The following CFAP61 variants were observed in gnomAD, a reference collection of about 807,000 sequenced individuals.
The protein encoded by CFAP61 is cilia- and flagella-associated protein 61.
Under a neutral mutation model 135.6 loss-of-function variants are expected in CFAP61, and 107 were observed. The observed-to-expected ratio is 0.79, with a 90% CI of 0.67 to 0.93. CFAP61 has a LOEUF of 0.93. Among genes scored for constraint, CFAP61 ranks in the 40% least tolerant of loss-of-function variants. CFAP61 has a pLI of 0.00. For synonymous variants in CFAP61, 575 were observed against 578.5 expected (o/e 0.99, Z 0.09); for missense variants, 1,507 against 1,556.2 (o/e 0.97, Z 0.53).
chr20:20,215,737 T>G (rs1030689658), intron 17 of CFAP61, among the ~76,000 whole-genome samples: 5 of 152,204 alleles, frequency 3.3e-5, no homozygotes, highest in African/African-American at 1.2e-4. Flanking sequence ...ACATTTCAAT[T>G]GTATTTTTTA....
intron 8 of CFAP61, among the ~76,000 whole-genome samples, chr20:20,137,420 G>A (rs1462515686): frequency 1.3e-5 from 2 of 152,126 alleles, no homozygotes; most frequent in African/African-American, 4.8e-5. Context: ...AATCTATCTG[G>A]TGCTCTGTTC....
At chr20:20,158,546 G>T (rs1171614883) in intron 9 of CFAP61, among the ~76,000 whole-genome samples, 2 of 152,174 alleles carry the variant, frequency 1.3e-5, no homozygotes, top group African/African-American at 4.8e-5. Context: ...TCCACACCAG[G>T]ATACTATTCA....
chr20:20,057,103 C>T lies in CFAP61; in HGVS notation c.143+307C>T, dbSNP rs543612098. ...CTGCACTCCAGCCTGGATGACAGAG[C>T]GGACCCCTGTCTCAATTAAAAAAAA... is the stretch of plus-strand genomic sequence containing the variant. On this transcript the variant is annotated intron_variant, in intron 2 of 26. Coordinates refer to ENST00000245957, the MANE Select transcript of CFAP61 (RefSeq NM_015585.4). Among the ~76,000 whole-genome samples, 15 of 137,008 alleles carry T rather than the reference C, an allele frequency of 1.1e-4. 1 individual carries two copies. The South Asian group carries it at 3.2e-3, about 30-fold the overall frequency. The allele number at this position is 137,008 out of a possible 152,430, so 89.9% of individuals were successfully genotyped here.
At chr20:20,228,590 G>A in intron 18 of CFAP61, 1 of 419,580 alleles carries the variant, frequency 2.4e-6, no homozygotes, top group Non-Finnish European at 4.3e-6. Flanking sequence ...AACTGCTTTT[G>A]TAAATAAAGC....
At chr20:20,228,488 ACACCCTGCC>A in intron 18 of CFAP61, 112 bp downstream of exon 18, 3 of 854,298 alleles carry the variant, frequency 3.5e-6, no homozygotes, top group Non-Finnish European at 5.5e-6. Flanking sequence ...GGTACTCCAC[ACACCCTGCC>A]TATGTGGATG....
intron 7 of CFAP61, among the ~76,000 whole-genome samples, chr20:20,093,842 G>A (rs2047381399): frequency 6.6e-6 from 1 of 151,812 alleles, no homozygotes; most frequent in Admixed American, 6.6e-5. Flanking sequence ...ATCTTTTGGG[G>A]GTGAGACACA....
intron 8 of CFAP61, among the ~76,000 whole-genome samples, chr20:20,134,735 G>C (rs2050790298): frequency 6.6e-6 from 1 of 152,200 alleles, no homozygotes; most frequent in South Asian, 2.1e-4. Context: ...AAACTGGGTA[G>C]ATGGTGGAAC....
chr20:20,235,011 C>G (rs566452937), intron 18 of CFAP61, among the ~76,000 whole-genome samples: 1 of 152,244 alleles, frequency 6.6e-6, no homozygotes, highest in African/African-American at 2.4e-5. Context: ...TCTAGATCCC[C>G]ATGGAAGCCT....
chr20:20,199,821 C>T lies in CFAP61; in HGVS notation c.1851C>T (p.Pro617=), dbSNP rs1328123065. The part of the protein sequence containing the change: ...SLTSALHYLV[P]VRPRRQIVYP... ...CATCTGCCCTTCATTACTTGGTTCC[C>T]GTGCGACCACGACGACAGATTGTCT... is the stretch of plus-strand genomic sequence containing the variant. Residue 617 remains proline (P), a synonymous_variant, in exon 17 of 27, where the codon CCC becomes CCT. Transcript: ENST00000245957. 14 of 1,614,160 alleles carry T rather than the reference C, an allele frequency of 8.7e-6. No homozygotes were observed. Among genetic ancestry groups the T allele is most frequent in the South Asian group, 3.3e-5 (3 of 91,078 alleles).
At chr20:20,079,315 T>A (rs2046271387) in intron 6 of CFAP61, among the ~76,000 whole-genome samples, 1 of 152,160 alleles carries the variant, frequency 6.6e-6, no homozygotes, top group African/African-American at 2.4e-5. Context: ...TCTGAACTCT[T>A]GGTTTGGGGT....
chr20:20,317,799 T>A (rs533971122), intron 25 of CFAP61, among the ~76,000 whole-genome samples: 1 of 152,210 alleles, frequency 6.6e-6, no homozygotes, highest in East Asian at 1.9e-4. Context: ...TAATAATCTA[T>A]AGTTCAATCA....
chr20:20,355,774 T>C (rs1283246467), intron 26 of CFAP61, among the ~76,000 whole-genome samples: 3 of 111,728 alleles, frequency 2.7e-5, no homozygotes, highest in Admixed American at 1.9e-4. Context: ...GGTCACACTG[T>C]GAGGGGAGGT....
At chr20:20,107,366 A>G (rs1178002067) in intron 8 of CFAP61, among the ~76,000 whole-genome samples, 1 of 152,180 alleles carries the variant, frequency 6.6e-6, no homozygotes, top group East Asian at 1.9e-4. Context: ...ATGGACAGAT[A>G]GGCTCACTCA....
At chr20:20,229,324 G>A (rs1219179170) in intron 18 of CFAP61, among the ~76,000 whole-genome samples, 1 of 152,054 alleles carries the variant, frequency 6.6e-6, no homozygotes, top group African/African-American at 2.4e-5. Context: ...TCTCAAACTC[G>A]CTATCTTCAT....
At chr20:20,182,585 T>C (rs771411694) in intron 13 of CFAP61, among the ~76,000 whole-genome samples, 1 of 152,218 alleles carries the variant, frequency 6.6e-6, no homozygotes, top group Non-Finnish European at 1.5e-5. Context: ...AGATGTTTAA[T>C]AAATATTTGT....
chr20:20,109,215 T>C (rs974008913), intron 8 of CFAP61, among the ~76,000 whole-genome samples: 3 of 152,254 alleles, frequency 2.0e-5, no homozygotes, highest in African/African-American at 4.8e-5. Context: ...CTTTGATCAC[T>C]TGACTAAAGT....
intron 13 of CFAP61, among the ~76,000 whole-genome samples, chr20:20,172,497 T>C (rs2054298400): frequency 6.6e-6 from 1 of 152,044 alleles, no homozygotes; most frequent in Admixed American, 6.6e-5. Context: ...TTGTATTTTT[T>C]TGTACAGACA....
intron 8 of CFAP61, among the ~76,000 whole-genome samples, chr20:20,122,734 A>G (rs1338424265): frequency 6.6e-6 from 1 of 152,194 alleles, no homozygotes; most frequent in African/African-American, 2.4e-5. Flanking sequence ...ATGTATGTCC[A>G]AGTGTCTTTT....
At chr20:20,242,202 G>A (rs1167536329) in intron 18 of CFAP61, among the ~76,000 whole-genome samples, 1 of 152,196 alleles carries the variant, frequency 6.6e-6, no homozygotes, top group Admixed American at 6.5e-5. Flanking sequence ...AAGGAGGGCA[G>A]GTGTTTCTCT....
Sources: allele counts gnomAD v4.1 joint callset (sites outside exome capture counted in the v4.1 genomes callset), GRCh38; gene constraint gnomAD v4.1.1; transcripts MANE v1.5; gene names NCBI Gene and HGNC (gene_info 2026-07-23, HGNC 2026-07-21).